Variants in NAV2 observed in about 807,000 individuals in gnomAD.
The protein encoded by NAV2 is helicase, APC down-regulated 1.
In NAV2, 54 loss-of-function variants were observed where a neutral mutation model predicts 223.2. That is an observed-to-expected ratio of 0.24 (90% CI 0.19 to 0.30). The LOEUF is 0.30. Among genes scored for constraint, NAV2 ranks in the 10% least tolerant of loss-of-function variants. The pLI is 1.00. For missense variants in NAV2, 2,806 were observed against 3,147.5 expected (o/e 0.89, Z 2.60); for synonymous variants, 1,279 against 1,239.3 (o/e 1.03, Z -0.67).
chr11:19,351,047 T>G, intron 1 of NAV2: 1 of 1,524,700 alleles, frequency 6.6e-7, no homozygotes, highest in South Asian at 1.2e-5. Flanking sequence ...AGAACTTTGT[T>G]GGTTGATTGG....
intron 1 of NAV2, among the ~76,000 whole-genome samples, chr11:19,670,758 C>T (rs530002985): frequency 6.6e-6 from 1 of 152,358 alleles, no homozygotes; most frequent in African/African-American, 2.4e-5. Context: ...GGTGATGCTG[C>T]AGCTTGCGGG....
At chr11:19,517,214 T>G (rs75988982) in intron 1 of NAV2, among the ~76,000 whole-genome samples, 1,898 of 152,250 alleles carry the variant, frequency 0.012, 33 homozygotes, top group African/African-American at 0.044. Flanking sequence ...AGCCAAAGTT[T>G]GCAAAAACTC....
At chr11:19,893,426 G>C (rs1198147387) in intron 6 of NAV2, among the ~76,000 whole-genome samples, 1 of 152,098 alleles carries the variant, frequency 6.6e-6, no homozygotes, top group Non-Finnish European at 1.5e-5. Context: ...AGATTCCTAG[G>C]GCTGTCTACG....
intron 1 of NAV2, among the ~76,000 whole-genome samples, chr11:19,484,127 A>AACATACAC (rs2042365623): frequency 6.9e-6 from 1 of 144,792 alleles, no homozygotes; most frequent in Non-Finnish European, 1.5e-5. Context: ...ACTGATCACA[A>AACATACAC]ACACACACAC....
chr11:19,608,964 T>C (rs2046556241), intron 1 of NAV2, among the ~76,000 whole-genome samples: 1 of 152,218 alleles, frequency 6.6e-6, no homozygotes, highest in Non-Finnish European at 1.5e-5. Context: ...GCTTTCATGG[T>C]CTCATTTCCT....
chr11:19,584,910 C>A (rs1305197816), intron 1 of NAV2, among the ~76,000 whole-genome samples: 1 of 152,192 alleles, frequency 6.6e-6, no homozygotes, highest in Non-Finnish European at 1.5e-5. Flanking sequence ...TGGTGCAGAG[C>A]TGAGTTCAAT....
At chr11:19,753,023 C>A (rs560367008) in intron 1 of NAV2, among the ~76,000 whole-genome samples, 2 of 152,124 alleles carry the variant, frequency 1.3e-5, no homozygotes, top group African/African-American at 2.4e-5. Flanking sequence ...ATTCTTTCCA[C>A]CATGTGAAAA....
At chr11:20,009,083 C>A (rs1029234993) in intron 11 of NAV2, among the ~76,000 whole-genome samples, 7 of 152,134 alleles carry the variant, frequency 4.6e-5, no homozygotes, top group African/African-American at 1.7e-4. Context: ...CCTCTCTGAC[C>A]TTGGGCTAGG....
At chr11:19,391,358 G>A (rs1320431819) in intron 1 of NAV2, among the ~76,000 whole-genome samples, 2 of 152,052 alleles carry the variant, frequency 1.3e-5, no homozygotes, top group African/African-American at 2.4e-5. Flanking sequence ...CCACAGCCTG[G>A]TTTCTACCAC....
Position 20,095,710 on chromosome 11 carries a change from A to G in NAV2, c.5955A>G (p.Gly1985=), listed in dbSNP as rs1592125653. Reference sequence around the variant, plus strand: ...ATCTCTTTCTTATTGGCTGCATTGGAGTTAGTGGCAAGACGAAGTGGGATG... The same window carrying G: ...ATCTCTTTCTTATTGGCTGCATTGGGGTTAGTGGCAAGACGAAGTGGGATG... The part of the protein sequence containing the change: ...RPHLFLIGCI[G]VSGKTKWDVL... Residue 1985 remains glycine (G), a synonymous_variant, in exon 30 of 38, where the codon GGA becomes GGG. Transcript: ENST00000349880. The G allele has an allele frequency of 6.2e-7, 1 of 1,613,866 alleles. No homozygotes were observed. Among genetic ancestry groups the G allele is most frequent in the Non-Finnish European group, 8.5e-7 (1 of 1,179,940 alleles).
chr11:19,389,265 C>A (rs1025598144), intron 1 of NAV2, among the ~76,000 whole-genome samples: 1 of 152,220 alleles, frequency 6.6e-6, no homozygotes, highest in Non-Finnish European at 1.5e-5. Context: ...AGCTACTATG[C>A]ACAAGACAGG....
At chr11:19,859,878 C>G (rs1452157022) in intron 3 of NAV2, among the ~76,000 whole-genome samples, 8 of 133,916 alleles carry the variant, frequency 6.0e-5, no homozygotes, top group Admixed American at 5.1e-4. Context: ...GCTGACCCCC[C>G]CACCTCCCTC....
At chr11:20,014,807 C>G (rs2053866449) in intron 11 of NAV2, among the ~76,000 whole-genome samples, 1 of 152,188 alleles carries the variant, frequency 6.6e-6, no homozygotes, top group Non-Finnish European at 1.5e-5. Flanking sequence ...GAGGCTGAGG[C>G]AGGAGACTCA....
At chr11:19,813,972 C>G (rs138111313) in intron 1 of NAV2, among the ~76,000 whole-genome samples, 1 of 152,148 alleles carries the variant, frequency 6.6e-6, no homozygotes, top group African/African-American at 2.4e-5. Context: ...GCAGAGACCA[C>G]GAGCCCTCCA....
chr11:20,114,873 A>C (rs920249671), intron 37 of NAV2, 78 bp downstream of exon 37: 1 of 1,383,584 alleles, frequency 7.2e-7, no homozygotes. Context: ...GAGCCTCTGG[A>C]AATACAAAGG....
At chr11:19,743,970 T>G (rs2053102273) in intron 1 of NAV2, among the ~76,000 whole-genome samples, 1 of 152,210 alleles carries the variant, frequency 6.6e-6, no homozygotes, top group South Asian at 2.1e-4. Context: ...TGTAGTATGC[T>G]TCCCCTCCAC....
At chr11:19,411,705 T>G (rs943804919) in intron 1 of NAV2, among the ~76,000 whole-genome samples, 1 of 152,078 alleles carries the variant, frequency 6.6e-6, no homozygotes, top group South Asian at 2.1e-4. Flanking sequence ...ACTTGGTGCA[T>G]CTTCATTTAG....
chr11:19,871,553 A>G (rs888220218), intron 4 of NAV2, among the ~76,000 whole-genome samples: 2 of 152,224 alleles, frequency 1.3e-5, no homozygotes, highest in East Asian at 1.9e-4. Flanking sequence ...ACTTACTCCC[A>G]TGTAGCTCCC....
rs187197030 is a variant in NAV2 at position 19,422,470 on chromosome 11, C to T, written c.75+71443C>T. On this transcript the variant is annotated intron_variant, in intron 1 of 37. Transcript: ENST00000360655. Reference sequence around the variant, plus strand: ...AGAAAGGGAAGGAATGCCTCTGTGACGCCAAACCCAGCAGAGCGTGGCTGG... The same window carrying T: ...AGAAAGGGAAGGAATGCCTCTGTGATGCCAAACCCAGCAGAGCGTGGCTGG... Among the ~76,000 whole-genome samples the T allele has an allele frequency of 2.4e-4, 36 of 152,314 alleles. No individual in the cohort carries two copies. The East Asian group carries it at 5.0e-3, about 21-fold the overall frequency.
Sources: gnomAD v4.1 joint callset for allele counts (sites outside exome capture counted in the v4.1 genomes callset) on GRCh38, gnomAD v4.1.1 for gene constraint, MANE v1.5 for transcripts, NCBI Gene and HGNC (gene_info 2026-07-23, HGNC 2026-07-21) for gene names.